ST7: variants seen among roughly 807,000 people sequenced by gnomAD.
ST7 encodes the protein suppressor of tumorigenicity 7 protein.
Under a neutral mutation model 78.7 loss-of-function variants are expected in ST7, and 28 were observed. That is an observed-to-expected ratio of 0.36 (90% confidence interval 0.26 to 0.49). ST7 has a LOEUF of 0.49. Ranked by LOEUF, ST7 falls within the 20% of genes least tolerant of loss-of-function variation. The pLI, the probability that ST7 is intolerant of heterozygous loss-of-function variation, is 0.99. For synonymous variants in ST7, 247 were observed against 249.6 expected (o/e 0.99, Z 0.10); for missense variants, 418 against 696.0 (o/e 0.60, Z 4.49).
intron 8 of ST7, chr7:117,137,153 T>C (rs1804856869): frequency 6.6e-6 from 1 of 152,128 alleles, no homozygotes; most frequent in Admixed American, 6.6e-5. Flanking sequence ...ATTATAAAAT[T>C]AAATGTTAAC....
At chr7:117,115,589 G>A (rs1458538817) in intron 2 of ST7, among the ~76,000 whole-genome samples, 2 of 151,966 alleles carry the variant, frequency 1.3e-5, no homozygotes, top group African/African-American at 4.8e-5. Flanking sequence ...CCTGACCTCA[G>A]GTGATCTGCC....
chr7:117,195,416 C>T (rs1810214084), intron 12 of ST7, among the ~76,000 whole-genome samples: 1 of 152,084 alleles, frequency 6.6e-6, no homozygotes, highest in Non-Finnish European at 1.5e-5. Flanking sequence ...ACCCTCTTAA[C>T]AAATTTTTAG....
intron 3 of ST7, among the ~76,000 whole-genome samples, chr7:117,124,264 T>C (rs1257479440): frequency 6.6e-6 from 1 of 152,130 alleles, no homozygotes. Context: ...ACACTCTTAG[T>C]GTCTGCTATC....
chr7:116,955,250 G>C (rs192042589), intron 1 of ST7: 1 of 381,374 alleles, frequency 2.6e-6, no homozygotes, highest in Non-Finnish European at 5.2e-6. Context: ...GTTGGTAACA[G>C]TGTTAGTCTG....
chr7:117,054,846 C>T (rs1440671836), intron 1 of ST7, among the ~76,000 whole-genome samples: 1 of 152,150 alleles, frequency 6.6e-6, no homozygotes, highest in Non-Finnish European at 1.5e-5. Context: ...ACATCCATCT[C>T]ATGATATTTC....
chr7:117,014,617 A>G (rs1795524217), intron 1 of ST7, among the ~76,000 whole-genome samples: 1 of 152,224 alleles, frequency 6.6e-6, no homozygotes. Context: ...GGCTTCTTTC[A>G]TATCATTGAG....
At chr7:117,187,781 C>A (rs2117374066) in intron 10 of ST7, 1 of 152,272 alleles carries the variant, frequency 6.6e-6, no homozygotes, top group South Asian at 2.1e-4. Context: ...AAAGTCTGAA[C>A]TTTTAAGTAG....
chr7:117,029,464 G>A (rs1353687502), intron 1 of ST7, among the ~76,000 whole-genome samples: 1 of 152,022 alleles, frequency 6.6e-6, no homozygotes, highest in African/African-American at 2.4e-5. Flanking sequence ...AGTTTTGAAG[G>A]TTCTTCATAT....
Position 117,229,818 on chromosome 7 carries a change from C to G in ST7, c.1695C>G (p.Ile565Met). 6.2e-7 allele frequency: 1 copy of G among 1,614,036 alleles called. No homozygotes were observed. Residue 565 changes from isoleucine (I) to methionine (M), a missense_variant, in exon 16 of 16, where the codon ATC (isoleucine) becomes ATG (methionine). By Grantham distance (10) the Ile-to-Met change is conservative. Around this residue, in one of 4 missense-constraint regions of ST7, gnomAD observed 288 missense variants for 537.1 expected, o/e 0.54. Coordinates refer to ENST00000323984, the MANE Select transcript of ST7 (RefSeq NM_001369598.1). ...LNFVMEKVES[I>M]LPSSLWHQLT... is the part of the protein sequence containing the mutation. ...TTGTCATGGAGAAAGTGGAGAGCAT[C>G]CTCCCATCCAGTCTGTGGCACCAGC...
chr7:117,228,842 T>C (rs1468400429), intron 15 of ST7, among the ~76,000 whole-genome samples: 1 of 152,158 alleles, frequency 6.6e-6, no homozygotes, highest in Non-Finnish European at 1.5e-5. Context: ...AAGGGCTCCA[T>C]GGTACAAGAA....
chr7:117,098,304 A>G (rs1031076239), intron 1 of ST7, among the ~76,000 whole-genome samples: 3 of 151,822 alleles, frequency 2.0e-5, no homozygotes, highest in African/African-American at 7.3e-5. Context: ...ATCTTGAGGC[A>G]GGTCCTTTCC....
At chr7:117,225,466 CTG>C (rs952311943) in intron 15 of ST7, among the ~76,000 whole-genome samples, 24 of 152,248 alleles carry the variant, frequency 1.6e-4, no homozygotes, top group East Asian at 5.8e-4. Flanking sequence ...TCTGTAGAGA[CTG>C]TGTGGGGAAG....
intron 13 of ST7, among the ~76,000 whole-genome samples, chr7:117,214,856 T>C (rs1792564614): frequency 6.6e-6 from 1 of 151,644 alleles, no homozygotes; most frequent in African/African-American, 2.4e-5. Context: ...GTGCCAGGCA[T>C]TGGGTTGAGG....
chr7:117,034,757 G>C (rs1796790755), intron 1 of ST7, among the ~76,000 whole-genome samples: 1 of 152,072 alleles, frequency 6.6e-6, no homozygotes, highest in African/African-American at 2.4e-5. Flanking sequence ...AGCATGCTTT[G>C]CATTATTTGA....
At chr7:117,031,123 G>T (rs1437393638) in intron 1 of ST7, among the ~76,000 whole-genome samples, 1 of 152,026 alleles carries the variant, frequency 6.6e-6, no homozygotes, top group African/African-American at 2.4e-5. Flanking sequence ...ACTTTTAAGT[G>T]GGACGTAAAT....
chr7:117,217,225 C>CT (rs1468670666), intron 13 of ST7, among the ~76,000 whole-genome samples: 5 of 150,558 alleles, frequency 3.3e-5, no homozygotes, highest in African/African-American at 1.2e-4. Context: ...ATCATATGAA[C>CT]TTGAACAGAT....
chr7:117,099,814 C>CACTT lies in ST7; in HGVS notation c.205_208dup (p.Ser70TyrfsTer13). 1 of 1,613,660 alleles carries CACTT rather than the reference C, an allele frequency of 6.2e-7. No individual in the cohort carries two copies. Among genetic ancestry groups the CACTT allele is most frequent in the Non-Finnish European group, 8.5e-7 (1 of 1,179,802 alleles). ...CGAAGTTCTACGTGGCCCTAACAGG[C>CACTT]ACTTCCTCACTAATATCAGGGCTTA... On this transcript the variant is annotated frameshift_variant, in exon 2 of 16. Coordinates refer to ENST00000323984, the MANE Select transcript of ST7 (RefSeq NM_001369598.1). LOFTEE classifies it high-confidence loss of function.
chr7:117,022,054 CT>C (rs34414916), intron 1 of ST7, among the ~76,000 whole-genome samples: 77,991 of 151,884 alleles, frequency 0.51, 21,019 homozygotes, highest in Non-Finnish European at 0.6. Flanking sequence ...GTGCAGAAGT[CT>C]TTGGTTCTTG....
intron 1 of ST7, among the ~76,000 whole-genome samples, chr7:116,998,203 G>T (rs950605480): frequency 6.6e-6 from 1 of 152,228 alleles, no homozygotes; most frequent in Non-Finnish European, 1.5e-5. Flanking sequence ...CGGCACTGCT[G>T]GGGGACCCGG....
Sources: gnomAD v4.1 joint callset for allele counts (sites outside exome capture counted in the v4.1 genomes callset) on GRCh38, gnomAD v4.1.1 for gene constraint, gnomAD v4.1.1 regional missense constraint, MANE v1.5 for transcripts, NCBI Gene and HGNC (gene_info 2026-07-23, HGNC 2026-07-21) for gene names.